STAG2: variants seen among roughly 807,000 people sequenced by gnomAD.
STAG2 encodes cohesin subunit SA-2.
A neutral mutation model predicts 108.1 loss-of-function variants in STAG2; 14 were observed. The ratio of observed to expected loss-of-function variants is 0.13; its 90% CI spans 0.09 to 0.20. STAG2 has a LOEUF of 0.20. Among genes scored for constraint, STAG2 ranks in the 10% least tolerant of loss-of-function variants. The pLI, the probability that STAG2 is intolerant of heterozygous loss-of-function variation, is 1.00. For synonymous variants in STAG2, 307 were observed against 302.7 expected (o/e 1.01, Z -0.15); for missense variants, 440 against 940.9 (o/e 0.47, Z 6.96).
chrX:123,998,926 G>A (rs1337084317), intron 1 of STAG2, among the ~76,000 whole-genome samples: 1 of 109,903 alleles, frequency 9.1e-6, no homozygotes, highest in African/African-American at 3.3e-5. Context: ...GCAACATAGC[G>A]AGACCCCATC....
chrX:123,970,200 G>A (rs958722428), intron 1 of STAG2, among the ~76,000 whole-genome samples: 1 of 109,522 alleles, frequency 9.1e-6, no homozygotes, highest in Non-Finnish European at 1.9e-5. Flanking sequence ...CAGACTCTTT[G>A]TTCATTGAGG....
At chrX:123,986,970 T>C (rs951646171) in intron 1 of STAG2, among the ~76,000 whole-genome samples, 1 of 109,176 alleles carries the variant, frequency 9.2e-6, no homozygotes, top group East Asian at 2.9e-4. Flanking sequence ...TGCGCCACCA[T>C]GTCCAGCTAC....
intron 28 of STAG2, among the ~76,000 whole-genome samples, chrX:124,082,033 A>G (rs1360593867): frequency 8.9e-6 from 1 of 112,396 alleles, no homozygotes; most frequent in East Asian, 2.8e-4. Context: ...AACTCCGTTT[A>G]TAAGCCTTTG....
At chrX:124,045,594 A>G (rs1159624924) in intron 8 of STAG2, among the ~76,000 whole-genome samples, 1 of 111,263 alleles carries the variant, frequency 9.0e-6, no homozygotes, top group African/African-American at 3.3e-5. Flanking sequence ...ATTTTCTTGT[A>G]TACTATGCAT....
intron 1 of STAG2, among the ~76,000 whole-genome samples, chrX:123,973,184 C>G (rs984631049): frequency 3.6e-5 from 4 of 111,392 alleles, no homozygotes; most frequent in Non-Finnish European, 7.5e-5. Flanking sequence ...TATGTACAAA[C>G]TGTATACATG....
chrX:124,015,388 CTT>C (rs1180758338), intron 1 of STAG2, among the ~76,000 whole-genome samples: 6 of 93,450 alleles, frequency 6.4e-5, no homozygotes, highest in Admixed American at 1.2e-4. Context: ...AGAAGAATTT[CTT>C]TTTTTTTTTT....
intron 13 of STAG2, among the ~76,000 whole-genome samples, chrX:124,054,059 T>A (rs2058118691): frequency 8.9e-6 from 1 of 112,251 alleles, no homozygotes; most frequent in Non-Finnish European, 1.9e-5. Flanking sequence ...TTGTTGAGGC[T>A]ATGACGTAAC....
At chrX:123,997,979 A>G (rs187796620) in intron 1 of STAG2, among the ~76,000 whole-genome samples, 4 of 111,384 alleles carry the variant, frequency 3.6e-5, no homozygotes, top group African/African-American at 9.8e-5. Flanking sequence ...AATCTATTGT[A>G]TGTATATACC....
chrX:124,056,058 A>C, intron 13 of STAG2, 70 bp from the exon 14 acceptor site: 1 of 619,434 alleles, frequency 1.6e-6, no homozygotes. Context: ...TATGAGCATA[A>C]GTTTTTGTAC....
chrX:123,973,559 A>C (rs1160627638), intron 1 of STAG2, among the ~76,000 whole-genome samples: 1 of 100,946 alleles, frequency 9.9e-6, no homozygotes, highest in East Asian at 3.2e-4. Context: ...AAAAAAAAAA[A>C]ATAGACTGGG....
chrX:123,964,912 T>G (rs763150322), intron 1 of STAG2, among the ~76,000 whole-genome samples: 1 of 109,884 alleles, frequency 9.1e-6, no homozygotes, highest in Non-Finnish European at 1.9e-5. Context: ...TGGTCTCCCT[T>G]AATTAGTGCA....
intron 20 of STAG2, 81 bp from the exon 21 acceptor site, chrX:124,065,795 A>G (rs2058508610): frequency 5.8e-6 from 4 of 689,178 alleles, no homozygotes; most frequent in African/African-American, 2.3e-5. Context: ...GTTATTTTTC[A>G]TTTTTCAAGG....
At chrX:124,025,268 A>C (rs192645401) in intron 3 of STAG2, among the ~76,000 whole-genome samples, 1 of 112,040 alleles carries the variant, frequency 8.9e-6, no homozygotes, top group Admixed American at 9.5e-5. Context: ...TTCATAAAGG[A>C]TATTGATCAC....
chrX:124,030,893 T>A (rs1273712193), intron 4 of STAG2, 68 bp from the exon 5 acceptor site: 1 of 1,050,105 alleles, frequency 9.5e-7, no homozygotes, highest in African/African-American at 1.9e-5. Flanking sequence ...CAGCTACTTC[T>A]ACTGTAGCTG....
At chrX:124,035,759 T>C (rs968978421) in intron 5 of STAG2, among the ~76,000 whole-genome samples, 1 of 80,325 alleles carries the variant, frequency 1.2e-5, no homozygotes, top group Non-Finnish European at 2.5e-5. Context: ...CCTTTCTATG[T>C]GGCTACGGCT....
chrX:124,025,072 A>G (rs1450185909), intron 3 of STAG2, among the ~76,000 whole-genome samples: 1 of 111,726 alleles, frequency 9.0e-6, no homozygotes, highest in African/African-American at 3.2e-5. Context: ...ACCCCAACCC[A>G]GAACAAGGGA....
intron 24 of STAG2, among the ~76,000 whole-genome samples, chrX:124,070,458 C>T (rs1250656325): frequency 1.8e-5 from 2 of 111,324 alleles, no homozygotes; most frequent in East Asian, 5.6e-4. Context: ...TTTTCATTAC[C>T]CCTTCCCAAC....
chrX:123,983,813 A>C (rs919136653), intron 1 of STAG2, among the ~76,000 whole-genome samples: 2 of 109,324 alleles, frequency 1.8e-5, no homozygotes, highest in African/African-American at 6.7e-5. Flanking sequence ...AATGTTCTGG[A>C]CTAGCTAACT....
chrX:123,981,157 A>C (rs1236536579), intron 1 of STAG2, among the ~76,000 whole-genome samples: 1 of 111,173 alleles, frequency 9.0e-6, no homozygotes, highest in Non-Finnish European at 1.9e-5. Context: ...TATATATAAA[A>C]TTTGCCATTG....
Sources: allele counts gnomAD v4.1 joint callset (sites outside exome capture counted in the v4.1 genomes callset), GRCh38; gene constraint gnomAD v4.1.1; transcripts MANE v1.5; gene names NCBI Gene and HGNC (gene_info 2026-07-23, HGNC 2026-07-21).